The following SCFD2 variants were observed in gnomAD, a reference collection of about 807,000 sequenced individuals.
The protein encoded by SCFD2 is sec1 family domain containing 2, also known as sec1 family domain-containing protein 2.
A neutral mutation model predicts 58.9 loss-of-function variants in SCFD2; 54 were observed. The observed-to-expected ratio is 0.92, with a 90% CI of 0.74 to 1.15. The LOEUF is 1.15. Ranked by LOEUF, SCFD2 falls within the 50% of genes most tolerant of loss-of-function variation. The pLI is 0.00. For missense variants in SCFD2, 805 were observed against 836.6 expected, an observed-to-expected ratio of 0.96 and a Z score of 0.47; for synonymous variants, 321 against 335.9, an observed-to-expected ratio of 0.96 and a Z score of 0.49.
chr4:53,146,579 A>G (rs1450013587), intron 4 of SCFD2, among the ~76,000 whole-genome samples: 1 of 152,188 alleles, frequency 6.6e-6, no homozygotes, highest in Non-Finnish European at 1.5e-5. Context: ...AGTGCACAAA[A>G]CAAATTCCCT....
rs952787884 is a variant in SCFD2, at chr4:52,907,524, A to G, written c.1775T>C (p.Val592Ala). 3 of 1,614,018 alleles carry G rather than the reference A, an allele frequency of 1.9e-6. No individual in the cohort carries two copies. Among genetic ancestry groups the G allele is most frequent in the African/African-American group, 1.3e-5 (1 of 75,044 alleles). Reference sequence around the variant, plus strand: ...GCCTGAAGACATGTGTTCAATATCAACGGAATCTGGCCTCTCGGGATGAAA... The same window carrying G: ...GCCTGAAGACATGTGTTCAATATCAGCGGAATCTGGCCTCTCGGGATGAAA... ...EIFHPERPDS[V>A]DIEHMSSGLT... The change falls in exon 7 of 9, where the codon GTT becomes GCT. Residue 592 changes from valine to alanine, a missense_variant. Transcript: ENST00000401642.
At chr4:53,274,695 T>C (rs1317096795) in intron 3 of SCFD2, among the ~76,000 whole-genome samples, 1 of 152,172 alleles carries the variant, frequency 6.6e-6, no homozygotes, top group Non-Finnish European at 1.5e-5. Context: ...ACACACAAAC[T>C]GTTGAGGATT....
At chr4:52,929,159 T>C (rs1308313726) in intron 5 of SCFD2, among the ~76,000 whole-genome samples, 1 of 152,162 alleles carries the variant, frequency 6.6e-6, no homozygotes, top group African/African-American at 2.4e-5. Flanking sequence ...ACAAAAACTC[T>C]GAAGTTTGTG....
chr4:53,299,231 A>G (rs1459140564), intron 3 of SCFD2, among the ~76,000 whole-genome samples: 2 of 152,216 alleles, frequency 1.3e-5, no homozygotes, highest in Non-Finnish European at 2.9e-5. Context: ...TAGAATAACC[A>G]ATGCAGAGAA....
chr4:53,017,637 A>C (rs1722247050), intron 5 of SCFD2, among the ~76,000 whole-genome samples: 1 of 152,192 alleles, frequency 6.6e-6, no homozygotes, highest in African/African-American at 2.4e-5. Flanking sequence ...ATAATGACCA[A>C]TTTGTTGTAG....
At chr4:53,169,265 G>A (rs1049533697) in intron 4 of SCFD2, among the ~76,000 whole-genome samples, 2 of 152,140 alleles carry the variant, frequency 1.3e-5, no homozygotes, top group Non-Finnish European at 2.9e-5. Flanking sequence ...TCGGGAGGCC[G>A]AGGCAAGAGA....
intron 5 of SCFD2, among the ~76,000 whole-genome samples, chr4:52,943,261 A>C (rs1435036234): frequency 2.0e-5 from 3 of 146,666 alleles, no homozygotes; most frequent in Non-Finnish European, 4.5e-5. Context: ...AAAACAAAAC[A>C]AAACAAAAAC....
intron 2 of SCFD2, among the ~76,000 whole-genome samples, chr4:53,318,436 C>T (rs1254082274): frequency 8.5e-5 from 13 of 152,058 alleles, no homozygotes; most frequent in African/African-American, 3.1e-4. Context: ...TAGAGGTTTG[C>T]TAATATAAAG....
At chr4:53,280,164 G>C (rs116723223) in intron 3 of SCFD2, among the ~76,000 whole-genome samples, 403 of 152,286 alleles carry the variant, frequency 2.6e-3, no homozygotes, top group African/African-American at 9.3e-3. Context: ...TACCCAGTCT[G>C]TCAGATTTGA....
chr4:52,958,674 C>T (rs1236327541), intron 5 of SCFD2, among the ~76,000 whole-genome samples: 4 of 152,168 alleles, frequency 2.6e-5, no homozygotes, highest in Admixed American at 1.3e-4. Flanking sequence ...TTGAGTCCCA[C>T]ATCAGCCACC....
chr4:53,306,399 AG>A (rs1335435043), intron 3 of SCFD2, among the ~76,000 whole-genome samples: 1 of 152,228 alleles, frequency 6.6e-6, no homozygotes. Context: ...CAAAGGGAAA[AG>A]AACCCAACAA....
chr4:53,351,053 G>A (rs1383347711), intron 2 of SCFD2, among the ~76,000 whole-genome samples: 5 of 152,058 alleles, frequency 3.3e-5, no homozygotes, highest in South Asian at 2.1e-4. Flanking sequence ...TACCTCCCAC[G>A]AACTCTGTTA....
At chr4:52,896,093 T>G (rs1185839342) in intron 7 of SCFD2, among the ~76,000 whole-genome samples, 6 of 152,242 alleles carry the variant, frequency 3.9e-5, no homozygotes, top group East Asian at 3.9e-4. Context: ...TTGCAAAAAT[T>G]TTCTCCCATT....
At chr4:53,338,063 A>T (rs1733736881) in intron 2 of SCFD2, among the ~76,000 whole-genome samples, 1 of 152,210 alleles carries the variant, frequency 6.6e-6, no homozygotes, top group South Asian at 2.1e-4. Context: ...CAGCCCCAAG[A>T]ATCTAGAAGA....
chr4:52,942,930 C>A, intron 5 of SCFD2, among the ~76,000 whole-genome samples: 2 of 148,842 alleles, frequency 1.3e-5, no homozygotes, highest in Non-Finnish European at 1.5e-5. Flanking sequence ...ATAAATCTGC[C>A]ATGGAAAGTA....
intron 7 of SCFD2, among the ~76,000 whole-genome samples, chr4:52,896,641 T>A (rs1162488211): frequency 6.6e-6 from 1 of 152,124 alleles, no homozygotes; most frequent in Non-Finnish European, 1.5e-5. Context: ...CTTGGCGATG[T>A]GGGCTCTTTT....
At position 53,056,974 on chromosome 4, in the gene SCFD2, G is replaced by A. The variant is rs535862510; in HGVS notation, c.1561+88359C>T. Among the ~76,000 whole-genome samples, 8 of 152,232 alleles carry A rather than the reference G, an allele frequency of 5.3e-5. No individual in the cohort carries two copies. In the South Asian group the frequency reaches 1.5e-3, roughly 28 times the overall value. On this transcript the variant is annotated intron_variant, in intron 5 of 8. Transcript: ENST00000401642. ...CGAGGTGGCGGATCACTTGAGGTCA[G>A]GAGTTGGAAACTAGCCTGGCCAACA...
chr4:52,979,931 C>T (rs1231008809), intron 5 of SCFD2, among the ~76,000 whole-genome samples: 1 of 152,124 alleles, frequency 6.6e-6, no homozygotes, highest in Non-Finnish European at 1.5e-5. Flanking sequence ...TCTCTGTTCC[C>T]CTCATTTAGG....
intron 7 of SCFD2, among the ~76,000 whole-genome samples, chr4:52,901,616 C>A (rs745878106): frequency 8.5e-5 from 13 of 152,246 alleles, no homozygotes; most frequent in Non-Finnish European, 1.8e-4. Context: ...GTGAATCCTT[C>A]CCTACTGAGC....
Sources: gnomAD v4.1 joint callset for allele counts (sites outside exome capture counted in the v4.1 genomes callset) on GRCh38, gnomAD v4.1.1 for gene constraint, MANE v1.5 for transcripts, NCBI Gene and HGNC (gene_info 2026-07-23, HGNC 2026-07-21) for gene names.